The following RNF216 variants were observed in gnomAD, a reference collection of about 807,000 sequenced individuals.
The protein encoded by RNF216 is E3 ubiquitin-protein ligase RNF216.
A neutral mutation model predicts 110.8 loss-of-function variants in RNF216; 72 were observed. The observed-to-expected ratio is 0.65, with a 90% CI of 0.54 to 0.79. RNF216 has a LOEUF of 0.79. Among genes scored for constraint, RNF216 ranks in the 30% least tolerant of loss-of-function variants. RNF216 has a pLI of 0.00. For missense variants in RNF216, 1,342 were observed against 1,141.2 expected, an observed-to-expected ratio of 1.18 and a Z score of -2.54; for synonymous variants, 495 against 407.5, an observed-to-expected ratio of 1.21 and a Z score of -2.59.
chr7:5,706,526 C>A (rs1218327868), intron 13 of RNF216, among the ~76,000 whole-genome samples: 1 of 152,218 alleles, frequency 6.6e-6, no homozygotes, highest in Non-Finnish European at 1.5e-5. Context: ...CAATGTCCCT[C>A]AAGGTGGTTT....
At chr7:5,656,179 G>C (rs1172796395) in intron 13 of RNF216, among the ~76,000 whole-genome samples, 2 of 152,168 alleles carry the variant, frequency 1.3e-5, no homozygotes, top group Non-Finnish European at 2.9e-5. Context: ...TGAGACAGGA[G>C]AATTGCTTGA....
At chr7:5,778,872 T>C (rs1300326689) in intron 1 of RNF216, among the ~76,000 whole-genome samples, 1 of 152,212 alleles carries the variant, frequency 6.6e-6, no homozygotes, top group African/African-American at 2.4e-5. Flanking sequence ...GCCTCCCCAG[T>C]AGCTGGGATT....
At chr7:5,659,971 T>G (rs1047660162) in intron 13 of RNF216, among the ~76,000 whole-genome samples, 3 of 129,104 alleles carry the variant, frequency 2.3e-5, no homozygotes, top group Non-Finnish European at 5.0e-5. Flanking sequence ...TTTTTTTTTT[T>G]AGAGACAAGG....
At chr7:5,668,036 A>C (rs1374832416) in intron 13 of RNF216, among the ~76,000 whole-genome samples, 2 of 152,170 alleles carry the variant, frequency 1.3e-5, no homozygotes, top group Non-Finnish European at 2.9e-5. Flanking sequence ...GCAGTAATTC[A>C]TGTATCCAGG....
chr7:5,676,096 T>C (rs1790273454), intron 13 of RNF216, among the ~76,000 whole-genome samples: 1 of 151,904 alleles, frequency 6.6e-6, no homozygotes, highest in South Asian at 2.1e-4. Flanking sequence ...ACTGTAACCT[T>C]CGTCTCCCAG....
At chr7:5,704,617 G>C (rs866041152) in intron 13 of RNF216, among the ~76,000 whole-genome samples, 1 of 152,166 alleles carries the variant, frequency 6.6e-6, no homozygotes, top group East Asian at 1.9e-4. Flanking sequence ...ACACCCAAGA[G>C]GAAGAAAACC....
chr7:5,747,731 C>T (rs1795099877), intron 3 of RNF216, among the ~76,000 whole-genome samples: 1 of 91,872 alleles, frequency 1.1e-5, no homozygotes, highest in African/African-American at 4.2e-5. Context: ...GCCTGGGCAA[C>T]AGGAGACTCC....
At chr7:5,757,848 T>G (rs4720642) in intron 2 of RNF216, among the ~76,000 whole-genome samples, 12 of 152,198 alleles carry the variant, frequency 7.9e-5, no homozygotes, top group African/African-American at 2.9e-4. Flanking sequence ...CAGAGGTTGA[T>G]GCATAATAAA....
intron 1 of RNF216, among the ~76,000 whole-genome samples, chr7:5,781,032 G>C (rs917630965): frequency 7.2e-5 from 11 of 152,198 alleles, no homozygotes; most frequent in Admixed American, 3.9e-4. Context: ...CGGCGCCCTC[G>C]CGAGTGCCGG....
In RNF216 at chr7:5,781,636, G is replaced by C. The variant is rs1042043603; in HGVS notation, c.-165C>G. On this transcript the variant is annotated 5_prime_UTR_variant, in exon 1 of 17. Transcript: ENST00000389902. ...AGCCGCAGCTGCGAGCTCCGTGGCA[G>C]CCGCTGCACTCCTTCCGGCCCTGCC... 1 of 152,294 alleles carries C rather than the reference G, an allele frequency of 6.6e-6. No individual in the cohort carries two copies. Among genetic ancestry groups the C allele is most frequent in the Admixed American group, 6.5e-5 (1 of 15,284 alleles). The allele number at this position is 152,294 out of a possible 1,614,324, so 9.4% of individuals were successfully genotyped here. A position where few individuals can be genotyped will look rare whatever the true frequency, so the allele number is the denominator to read the frequency against.
chr7:5,649,421 A>G (rs1313832036), intron 14 of RNF216, among the ~76,000 whole-genome samples: 10 of 151,416 alleles, frequency 6.6e-5, no homozygotes, highest in Admixed American at 6.6e-5. Context: ...GGGAGGGAGG[A>G]TCACTCAAGC....
At chr7:5,721,915 T>C (rs1793450157) in intron 8 of RNF216, among the ~76,000 whole-genome samples, 2 of 152,204 alleles carry the variant, frequency 1.3e-5, no homozygotes, top group African/African-American at 2.4e-5. Flanking sequence ...GTTTCACTGA[T>C]TTGGCAATTT....
chr7:5,777,965 TCAA>T (rs1456972081), intron 1 of RNF216, among the ~76,000 whole-genome samples: 5 of 152,156 alleles, frequency 3.3e-5, no homozygotes, highest in Non-Finnish European at 7.3e-5. Flanking sequence ...GAGGGTAAAA[TCAA>T]CGTTTTCAAC....
intron 13 of RNF216, among the ~76,000 whole-genome samples, chr7:5,659,785 G>A (rs1173125270): frequency 2.0e-5 from 3 of 152,136 alleles, no homozygotes; most frequent in African/African-American, 7.2e-5. Context: ...CTGAAACAAG[G>A]TGTGCCAACA....
chr7:5,641,423 GA>G (rs771418530), intron 14 of RNF216, 47 bp from the exon 15 acceptor site: 6 of 1,454,552 alleles, frequency 4.1e-6, no homozygotes, highest in East Asian at 2.3e-5. Flanking sequence ...AGATGAGGAG[GA>G]AAAAAATATG....
chr7:5,710,227 G>A (rs554476095), intron 13 of RNF216, among the ~76,000 whole-genome samples: 1 of 152,272 alleles, frequency 6.6e-6, no homozygotes, highest in African/African-American at 2.4e-5. Flanking sequence ...AGGCGTGGTG[G>A]CGCATACCTG....
intron 14 of RNF216, among the ~76,000 whole-genome samples, chr7:5,650,695 CGTTT>C (rs1330823874): frequency 2.0e-5 from 3 of 152,170 alleles, no homozygotes; most frequent in African/African-American, 4.8e-5. Context: ...GTCCTTCTCA[CGTTT>C]GTTTGACTCT....
intron 1 of RNF216, among the ~76,000 whole-genome samples, chr7:5,773,636 C>A (rs1266103817): frequency 1.3e-5 from 2 of 152,184 alleles, no homozygotes; most frequent in Non-Finnish European, 2.9e-5. Flanking sequence ...GGCACGATCT[C>A]AGCTCACTGC....
intron 13 of RNF216, among the ~76,000 whole-genome samples, chr7:5,687,772 C>T (rs116825498): frequency 2.0e-4 from 30 of 152,294 alleles, no homozygotes; most frequent in Non-Finnish European, 2.8e-4. Context: ...ACTAGCATTT[C>T]CAAGGACCTA....
Sources: allele counts gnomAD v4.1 joint callset (sites outside exome capture counted in the v4.1 genomes callset), GRCh38; gene constraint gnomAD v4.1.1; transcripts MANE v1.5; gene names NCBI Gene and HGNC (gene_info 2026-07-23, HGNC 2026-07-21).